The following SRGAP3 variants were observed in gnomAD, a reference collection of about 807,000 sequenced individuals.
The protein encoded by SRGAP3 is SLIT-ROBO Rho GTPase-activating protein 3.
In SRGAP3, 39 loss-of-function variants were observed where a neutral mutation model predicts 121.1. The observed-to-expected ratio is 0.32, with a 90% confidence interval of 0.25 to 0.42. SRGAP3 has a LOEUF of 0.42. Ranked by LOEUF, SRGAP3 falls within the 10% of genes least tolerant of loss-of-function variation. The pLI is 1.00. For missense variants in SRGAP3, 1,213 were observed against 1,470.6 expected (o/e 0.82, Z 2.86); for synonymous variants, 601 against 570.0 (o/e 1.05, Z -0.77).
rs761156621 is a variant in SRGAP3, at chr3:9,030,181, G to A, written c.1539+2469C>T. Among the ~76,000 whole-genome samples the A allele has an allele frequency of 6.4e-4, 98 of 152,042 alleles. 1 individual carries two copies. The highest frequency in any genetic ancestry group is 6.8e-3 in the Middle Eastern group (2 of 294). On this transcript the variant is annotated intron_variant, in intron 12 of 21. Coordinates refer to ENST00000383836, the MANE Select transcript of SRGAP3 (RefSeq NM_014850.4). ...TGAATGAATGAATGAATGAATGAAT[G>A]AATGAATGAATGAAATAGTATTTAA...
chr3:9,360,606 C>G (rs1575036440), intron 1 of SRGAP3, among the ~76,000 whole-genome samples: 1 of 152,156 alleles, frequency 6.6e-6, no homozygotes, highest in South Asian at 2.1e-4. Flanking sequence ...CATGTGGCTA[C>G]GGAGGCCTCA....
intron 3 of SRGAP3, among the ~76,000 whole-genome samples, chr3:9,316,573 T>A (rs996522965): frequency 2.0e-5 from 3 of 151,996 alleles, no homozygotes; most frequent in Non-Finnish European, 4.4e-5. Context: ...GGCAGGAGAA[T>A]GGCTTGAACC....
chr3:9,127,778 C>A (rs1337290919), intron 1 of SRGAP3, among the ~76,000 whole-genome samples: 1 of 151,902 alleles, frequency 6.6e-6, no homozygotes, highest in East Asian at 1.9e-4. Flanking sequence ...ATTAGCTGGG[C>A]ATGGTGGCAC....
chr3:9,176,511 G>A (rs182714843), intron 1 of SRGAP3, among the ~76,000 whole-genome samples: 2 of 152,258 alleles, frequency 1.3e-5, no homozygotes, highest in East Asian at 3.9e-4. Context: ...AATCATCCAT[G>A]GGACTCCTGT....
intron 2 of SRGAP3, among the ~76,000 whole-genome samples, chr3:9,107,412 G>A (rs558675655): frequency 9.2e-5 from 14 of 152,366 alleles, no homozygotes; most frequent in Admixed American, 1.3e-4. Context: ...TTCTCCTCCA[G>A]TGTGTTCTGG....
intron 3 of SRGAP3, among the ~76,000 whole-genome samples, chr3:9,318,360 A>G (rs961662611): frequency 4.0e-5 from 6 of 151,794 alleles, no homozygotes; most frequent in Non-Finnish European, 7.4e-5. Context: ...GGCTCCACAC[A>G]GAAAGCAGGG....
intron 3 of SRGAP3, among the ~76,000 whole-genome samples, chr3:9,279,297 G>A (rs1954636666): frequency 6.6e-6 from 1 of 152,142 alleles, no homozygotes; most frequent in South Asian, 2.1e-4. Context: ...GAATGGGGCA[G>A]ATCCCCAAAA....
At chr3:9,320,720 G>A (rs919306253) in intron 3 of SRGAP3, among the ~76,000 whole-genome samples, 4 of 151,802 alleles carry the variant, frequency 2.6e-5, no homozygotes, top group African/African-American at 9.7e-5. Flanking sequence ...GAGAGTGAGA[G>A]ACTGTATCCT....
intron 3 of SRGAP3, among the ~76,000 whole-genome samples, chr3:9,279,394 A>G (rs1954638709): frequency 6.6e-6 from 1 of 152,128 alleles, no homozygotes; most frequent in African/African-American, 2.4e-5. Context: ...AGTGAACATG[A>G]GCCCTGTGTC....
chr3:9,013,886 G>C (rs779456900), intron 15 of SRGAP3, 44 bp from the exon 16 acceptor site: 6 of 1,583,356 alleles, frequency 3.8e-6, no homozygotes, highest in Non-Finnish European at 5.2e-6. Context: ...CATCCTCAGA[G>C]AGCAAAGCAA....
At chr3:9,057,048 T>C (rs1945856697) in intron 7 of SRGAP3, among the ~76,000 whole-genome samples, 1 of 152,124 alleles carries the variant, frequency 6.6e-6, no homozygotes, top group Admixed American at 6.5e-5. Flanking sequence ...TGCCCAGCTA[T>C]TTTTTGTTTA....
intron 1 of SRGAP3, among the ~76,000 whole-genome samples, chr3:9,182,698 G>C (rs190025971): frequency 1.2e-3 from 185 of 152,126 alleles, no homozygotes; most frequent in African/African-American, 4.1e-3. Flanking sequence ...CTATCACCCA[G>C]GCTGGAGTAC....
chr3:9,211,207 G>A (rs762339092), intron 1 of SRGAP3, among the ~76,000 whole-genome samples: 10 of 152,126 alleles, frequency 6.6e-5, no homozygotes, highest in Non-Finnish European at 1.2e-4. Context: ...AAATAAACAG[G>A]TAAATAAAGA....
intron 15 of SRGAP3, 108 bp downstream of exon 15, chr3:9,015,489 C>T (rs13325276): frequency 1.3e-5 from 19 of 1,433,490 alleles, no homozygotes; most frequent in Admixed American, 1.8e-5. Flanking sequence ...CGTCACACTT[C>T]GCCTTTCATA....
intron 2 of SRGAP3, among the ~76,000 whole-genome samples, chr3:9,114,305 T>C (rs1948730335): frequency 6.6e-6 from 1 of 152,206 alleles, no homozygotes; most frequent in South Asian, 2.1e-4. Flanking sequence ...CTGCACATAA[T>C]AGTACTTTTT....
At chr3:8,998,318 T>C (rs1942537969) in intron 18 of SRGAP3, among the ~76,000 whole-genome samples, 1 of 152,318 alleles carries the variant, frequency 6.6e-6, no homozygotes, top group Non-Finnish European at 1.5e-5. Flanking sequence ...AACAAATATG[T>C]ATTAATGCTA....
chr3:9,064,196 G>C (rs1946311097), intron 5 of SRGAP3, among the ~76,000 whole-genome samples, 200 bp downstream of exon 5: 1 of 152,198 alleles, frequency 6.6e-6, no homozygotes, highest in Non-Finnish European at 1.5e-5. Flanking sequence ...TGTTAGCACG[G>C]GCATGCCTGG....
At position 9,083,374 on chromosome 3, in the gene SRGAP3, G is replaced by C. The variant is rs189711696; in HGVS notation, c.424-3287C>G. ...GTCTCCCAAGGCTCCTCCTTGTCCA[G>C]AGGCAACTGCTACAAAAAATTTCTT... On this transcript the variant is annotated intron_variant, in intron 3 of 21. Coordinates refer to ENST00000383836, the MANE Select transcript of SRGAP3 (RefSeq NM_014850.4). 4.6e-5 allele frequency among the ~76,000 whole-genome samples: 7 copies of C among 152,354 alleles called. No homozygotes were observed. The East Asian group carries it at 1.4e-3, about 29-fold the overall frequency.
At chr3:9,158,499 G>A (rs1039963216) in intron 1 of SRGAP3, among the ~76,000 whole-genome samples, 2 of 152,118 alleles carry the variant, frequency 1.3e-5, no homozygotes, top group African/African-American at 4.8e-5. Flanking sequence ...AATCATGTTC[G>A]ATTGTGTGAT....
Sources: gnomAD v4.1 joint callset for allele counts (sites outside exome capture counted in the v4.1 genomes callset) on GRCh38, gnomAD v4.1.1 for gene constraint, MANE v1.5 for transcripts, NCBI Gene and HGNC (gene_info 2026-07-23, HGNC 2026-07-21) for gene names.